The following MTR variants were observed in gnomAD, a reference collection of about 807,000 sequenced individuals.
The protein encoded by MTR is methionine synthase.
MTR carries 84 observed loss-of-function variants against 154.8 expected under a neutral mutation model. That is an observed-to-expected ratio of 0.54 (90% CI 0.45 to 0.65). The LOEUF is 0.65. Ranked by LOEUF, MTR falls within the 30% of genes least tolerant of loss-of-function variation. MTR has a pLI of 0.00. For synonymous variants in MTR, 554 were observed against 553.9 expected (o/e 1.00, Z 0.00); for missense variants, 1,275 against 1,570.2 (o/e 0.81, Z 3.18).
intron 12 of MTR, among the ~76,000 whole-genome samples, chr1:236,831,065 C>T (rs939747445): frequency 3.3e-5 from 5 of 152,158 alleles, no homozygotes; most frequent in African/African-American, 1.2e-4. Context: ...ACTTTACTGT[C>T]TTTGTAAACT....
intron 15 of MTR, among the ~76,000 whole-genome samples, chr1:236,840,958 G>A (rs1663194753): frequency 6.6e-6 from 1 of 152,132 alleles, no homozygotes; most frequent in South Asian, 2.1e-4. Context: ...CTGAAAAGTT[G>A]TTATCATCCA....
At chr1:236,889,152 G>A (rs769700174) in intron 27 of MTR, 29 bp from the exon 28 acceptor site, 1 of 1,613,754 alleles carries the variant, frequency 6.2e-7, no homozygotes, top group African/African-American at 1.3e-5. Flanking sequence ...GCCAGCGTCA[G>A]CATTGACAAC....
chr1:236,856,000 T>G (rs143664625), intron 18 of MTR, among the ~76,000 whole-genome samples: 163 of 152,348 alleles, frequency 1.1e-3, no homozygotes, highest in African/African-American at 3.4e-3. Flanking sequence ...TGAGTCAAAT[T>G]CATCAGGTTT....
Position 236,902,905 on chromosome 1 carries a change from A to G in MTR, c.*5261A>G, listed in dbSNP as rs907072053. The G allele has an allele frequency of 3.3e-5, 5 of 152,212 alleles. No homozygotes were observed. Among genetic ancestry groups the G allele is most frequent in the Non-Finnish European group, 5.9e-5 (4 of 68,044 alleles). The allele number at this position is 152,212 out of a possible 1,614,324, so 9.4% of individuals were successfully genotyped here. The stretch of plus-strand genomic sequence containing the variant: ...TATAAATCAGCTATGTGTATTGTCA[A>G]ATTGTAGAACTGAAAGTATATTCTG... On this transcript the variant is annotated 3_prime_UTR_variant, in exon 33 of 33. Coordinates refer to ENST00000366577, the MANE Select transcript of MTR (RefSeq NM_000254.3).
chr1:236,854,050 C>T (rs745741025), intron 18 of MTR, among the ~76,000 whole-genome samples: 1 of 152,204 alleles, frequency 6.6e-6, no homozygotes, highest in Non-Finnish European at 1.5e-5. Context: ...GTGTCTCTTG[C>T]CAACTTTGTT....
chr1:236,875,705 A>G lies in MTR; in HGVS notation c.2594+859A>G, dbSNP rs762387349. Among the ~76,000 whole-genome samples, 16 of 152,214 alleles carry G rather than the reference A, an allele frequency of 1.1e-4. 1 individual carries two copies. The highest frequency in any genetic ancestry group is 7.2e-4 in the Admixed American group (11 of 15,284). On this transcript the variant is annotated intron_variant, in intron 24 of 32. Coordinates refer to ENST00000366577, the MANE Select transcript of MTR (RefSeq NM_000254.3). ...ACAATAAAGGTCTGGTTCCATAGGT[A>G]TGCCACAATAAAGGTCTGGTTATAG...
chr1:236,800,199 A>C (rs1660629105), intron 1 of MTR: 1 of 985,344 alleles, frequency 1.0e-6, no homozygotes, highest in South Asian at 4.7e-5. Flanking sequence ...GAAGAAGGAC[A>C]TGTAAATAAT....
At chr1:236,825,437 C>G (rs1469949786) in intron 10 of MTR, 38 bp downstream of exon 10, 1 of 1,528,522 alleles carries the variant, frequency 6.5e-7, no homozygotes, top group Non-Finnish European at 9.1e-7. Context: ...TTAAGAGAGA[C>G]AGAAAGATTG....
intron 18 of MTR, among the ~76,000 whole-genome samples, chr1:236,857,559 A>C (rs1664277973): frequency 6.6e-6 from 1 of 152,248 alleles, no homozygotes; most frequent in South Asian, 2.1e-4. Context: ...ACATTACTCC[A>C]GCAAAATCAG....
At chr1:236,842,339 A>G (rs1663302091) in intron 15 of MTR, among the ~76,000 whole-genome samples, 1 of 151,266 alleles carries the variant, frequency 6.6e-6, no homozygotes, top group Non-Finnish European at 1.5e-5. Context: ...CATTTGTGAA[A>G]CTCACAGCTG....
chr1:236,859,934 G>A lies in MTR; in HGVS notation c.2043+12G>A. 1 of 1,611,748 alleles carries A rather than the reference G, an allele frequency of 6.2e-7. No individual in the cohort carries two copies. The highest frequency in any genetic ancestry group is 1.1e-5 in the South Asian group (1 of 91,046). The stretch of plus-strand genomic sequence containing the variant: ...ATGCCCTTGTGAAGGTAAGTTACAG[G>A]GGCCTGAACTGGAGGGCTGGAGGCT... On this transcript the variant is annotated intron_variant, in intron 19 of 32. Coordinates refer to ENST00000366577, the MANE Select transcript of MTR (RefSeq NM_000254.3).
chr1:236,826,665 C>T (rs992493194), intron 10 of MTR, among the ~76,000 whole-genome samples, 164 bp from the exon 11 acceptor site: 1 of 152,158 alleles, frequency 6.6e-6, no homozygotes, highest in Non-Finnish European at 1.5e-5. Flanking sequence ...TATCCTATGT[C>T]TAGGGCATGT....
rs370644159 is a variant in MTR at position 236,824,095 on chromosome 1, A to G, written c.765-24A>G. On this transcript the variant is annotated intron_variant, in intron 8 of 32. Transcript: ENST00000366577. The stretch of plus-strand genomic sequence containing the variant: ...AATATGAATGAGAGATGATGCTTTT[A>G]ATATGTTTTTTCTGTTTTTCTAGCA... 19 of 1,567,326 alleles carry G rather than the reference A, an allele frequency of 1.2e-5. No individual in the cohort carries two copies. In the African/African-American group the frequency reaches 2.3e-4, roughly 19 times the overall value.
At chr1:236,871,933 C>T (rs531581500) in intron 22 of MTR, among the ~76,000 whole-genome samples, 1 of 152,160 alleles carries the variant, frequency 6.6e-6, no homozygotes, top group African/African-American at 2.4e-5. Flanking sequence ...CCTTCCTGCC[C>T]CAGCGTTCAG....
At chr1:236,815,735 CT>C in intron 7 of MTR, 72 bp downstream of exon 7, 1 of 1,441,502 alleles carries the variant, frequency 6.9e-7, no homozygotes, top group Non-Finnish European at 9.7e-7. Flanking sequence ...TTTTCCCCCG[CT>C]TTGCATAGTA....
At chr1:236,860,410 G>GT (rs990463634) in intron 19 of MTR, among the ~76,000 whole-genome samples, 4 of 105,500 alleles carry the variant, frequency 3.8e-5, no homozygotes, top group African/African-American at 1.0e-4. Flanking sequence ...GTTTTGTTTT[G>GT]TTTTTTTTTG....
intron 22 of MTR, among the ~76,000 whole-genome samples, chr1:236,873,086 A>G (rs1333340794): frequency 1.3e-5 from 2 of 152,240 alleles, no homozygotes; most frequent in Non-Finnish European, 2.9e-5. Flanking sequence ...ACAGTGGAAT[A>G]TTTTTTGGCC....
intron 1 of MTR, among the ~76,000 whole-genome samples, chr1:236,796,378 C>T (rs556481084): frequency 2.0e-5 from 3 of 152,216 alleles, no homozygotes; most frequent in South Asian, 4.1e-4. Flanking sequence ...GAGAACTGAA[C>T]GTAATGTTAG....
At chr1:236,839,388 A>ACAAG (rs1449259229) in intron 15 of MTR, among the ~76,000 whole-genome samples, 1 of 81,192 alleles carries the variant, frequency 1.2e-5, no homozygotes, top group Non-Finnish European at 2.5e-5. Flanking sequence ...AATTTATATA[A>ACAAG]AAAGAACAAA....
Sources: gnomAD v4.1 joint callset for allele counts (sites outside exome capture counted in the v4.1 genomes callset) on GRCh38, gnomAD v4.1.1 for gene constraint, MANE v1.5 for transcripts, NCBI Gene and HGNC (gene_info 2026-07-23, HGNC 2026-07-21) for gene names.